The following CCDC148 variants were observed in gnomAD, a reference collection of about 807,000 sequenced individuals.
CCDC148 encodes coiled-coil domain containing 148.
In CCDC148, 89 loss-of-function variants were observed where a neutral mutation model predicts 85.7. That is an observed-to-expected ratio of 1.04 (90% CI 0.87 to 1.24). The LOEUF (loss-of-function observed/expected upper bound fraction) is 1.24, where lower values mean the gene tolerates loss of function less well. Ranked by LOEUF, CCDC148 falls within the 50% of genes most tolerant of loss-of-function variation. The pLI is 0.00. For synonymous variants in CCDC148, 230 were observed against 213.9 expected (o/e 1.08, Z -0.66); for missense variants, 692 against 671.7 (o/e 1.03, Z -0.33).
At chr2:158,321,688 A>C (rs1318837955) in intron 7 of CCDC148, among the ~76,000 whole-genome samples, 1 of 152,190 alleles carries the variant, frequency 6.6e-6, no homozygotes, top group African/African-American at 2.4e-5. Context: ...TCATATATGT[A>C]AGCATTTGTT....
At chr2:158,220,443 C>T (rs2105301524) in intron 11 of CCDC148, 152 bp downstream of exon 11, 1 of 592,926 alleles carries the variant, frequency 1.7e-6, no homozygotes, top group South Asian at 2.1e-5. Context: ...TAAAATGCAT[C>T]ATAGATATCA....
At chr2:158,344,237 C>T (rs1299067460) in intron 3 of CCDC148, among the ~76,000 whole-genome samples, 1 of 151,984 alleles carries the variant, frequency 6.6e-6, no homozygotes, top group Non-Finnish European at 1.5e-5. Flanking sequence ...TAAGATGGGT[C>T]TAATTTCATT....
intron 1 of CCDC148, among the ~76,000 whole-genome samples, chr2:158,428,769 A>T (rs889756120): frequency 7.9e-5 from 12 of 151,990 alleles, no homozygotes; most frequent in African/African-American, 2.9e-4. Context: ...CATTTGACCC[A>T]GGCTTCCCAT....
chr2:158,225,737 A>C (rs1354287163), intron 10 of CCDC148, among the ~76,000 whole-genome samples: 1 of 152,230 alleles, frequency 6.6e-6, no homozygotes, highest in Non-Finnish European at 1.5e-5. Context: ...GGCAGAAATA[A>C]AGATGTTCTT....
chr2:158,243,232 T>C (rs1688426049), intron 10 of CCDC148, among the ~76,000 whole-genome samples: 1 of 152,082 alleles, frequency 6.6e-6, no homozygotes, highest in Non-Finnish European at 1.5e-5. Context: ...CAGTCTCTAA[T>C]ACCTGGGCTA....
At chr2:158,393,322 G>A (rs1461153481) in intron 1 of CCDC148, 1 of 152,128 alleles carries the variant, frequency 6.6e-6, no homozygotes, top group African/African-American at 2.4e-5. Flanking sequence ...TGTGGAGTGA[G>A]GCAGAGATCA....
chr2:158,261,321 G>C (rs1689212926), intron 9 of CCDC148, among the ~76,000 whole-genome samples: 1 of 152,072 alleles, frequency 6.6e-6, no homozygotes, highest in African/African-American at 2.4e-5. Context: ...GCCATATGCA[G>C]AAGATTGAAG....
At chr2:158,332,020 T>C (rs934100116) in intron 7 of CCDC148, among the ~76,000 whole-genome samples, 3 of 152,196 alleles carry the variant, frequency 2.0e-5, no homozygotes, top group African/African-American at 4.8e-5. Flanking sequence ...AAGATTAATA[T>C]TGTTATGTGT....
intron 9 of CCDC148, among the ~76,000 whole-genome samples, chr2:158,285,571 C>G (rs1472154726): frequency 6.6e-6 from 1 of 151,128 alleles, no homozygotes; most frequent in Non-Finnish European, 1.5e-5. Context: ...TGCTCTGTCG[C>G]CCAGGCTGGA....
chr2:158,347,595 G>A lies in CCDC148; in HGVS notation c.148-2277C>T, dbSNP rs79657668. 9.7e-3 allele frequency among the ~76,000 whole-genome samples: 1,477 copies of A among 152,196 alleles called. 21 individuals are homozygous for A. Among genetic ancestry groups the A allele is most frequent in the African/African-American group, 0.033 (1,369 of 41,552 alleles). ...GGGTGGATGATAATTTGTGCAGAAT[G>A]CTGACGATTCAAAAATACTCTGGAA... On this transcript the variant is annotated intron_variant, in intron 2 of 13. Coordinates refer to ENST00000283233, the MANE Select transcript of CCDC148 (RefSeq NM_138803.4).
At chr2:158,262,948 C>A (rs1387545357) in intron 9 of CCDC148, among the ~76,000 whole-genome samples, 2 of 152,006 alleles carry the variant, frequency 1.3e-5, no homozygotes, top group Non-Finnish European at 2.9e-5. Context: ...AACCACAGGG[C>A]CAGATGAGTA....
chr2:158,212,842 T>C (rs1323468936), intron 11 of CCDC148, among the ~76,000 whole-genome samples: 2 of 152,162 alleles, frequency 1.3e-5, no homozygotes, highest in Non-Finnish European at 2.9e-5. Context: ...GTTTCACCTA[T>C]ATGACCTCTC....
At chr2:158,443,423 G>A (rs1224714006) in intron 1 of CCDC148, among the ~76,000 whole-genome samples, 1 of 145,450 alleles carries the variant, frequency 6.9e-6, no homozygotes, top group East Asian at 2.1e-4. Flanking sequence ...GGGATCATTT[G>A]AGCCTGGGAG....
At chr2:158,240,857 A>C (rs1311031727) in intron 10 of CCDC148, among the ~76,000 whole-genome samples, 1 of 152,196 alleles carries the variant, frequency 6.6e-6, no homozygotes, top group Non-Finnish European at 1.5e-5. Flanking sequence ...AGAGTTAATA[A>C]ACCCTATTGG....
chr2:158,327,804 A>C (rs920925361), intron 7 of CCDC148, among the ~76,000 whole-genome samples: 10 of 152,266 alleles, frequency 6.6e-5, no homozygotes, highest in Non-Finnish European at 1.2e-4. Context: ...TTCAAGTTTT[A>C]TGTCCTTCAG....
chr2:158,289,458 C>G (rs1030851724), intron 9 of CCDC148, among the ~76,000 whole-genome samples: 2 of 152,078 alleles, frequency 1.3e-5, no homozygotes, highest in Admixed American at 1.3e-4. Flanking sequence ...ATCCAGATAG[C>G]CATTAAACAT....
chr2:158,369,756 A>C (rs948094550), intron 1 of CCDC148, among the ~76,000 whole-genome samples: 4 of 152,146 alleles, frequency 2.6e-5, no homozygotes, highest in Admixed American at 6.6e-5. Context: ...GCCAGTTTTC[A>C]AGGGGAATCC....
At chr2:158,399,544 G>C (rs546294794) in intron 1 of CCDC148, among the ~76,000 whole-genome samples, 8 of 152,114 alleles carry the variant, frequency 5.3e-5, no homozygotes, top group Non-Finnish European at 1.0e-4. Context: ...TATCTCAATA[G>C]ATGCAGAAAA....
intron 2 of CCDC148, 68 bp from the exon 3 acceptor site, chr2:158,345,386 G>T: frequency 9.7e-7 from 1 of 1,026,442 alleles, no homozygotes; most frequent in Non-Finnish European, 1.5e-6. Context: ...CAACAGAAAT[G>T]CTTAATCTGA....
Sources: gnomAD v4.1 joint callset for allele counts (sites outside exome capture counted in the v4.1 genomes callset) on GRCh38, gnomAD v4.1.1 for gene constraint, MANE v1.5 for transcripts, NCBI Gene and HGNC (gene_info 2026-07-23, HGNC 2026-07-21) for gene names.